Variants in NBL1 observed in about 807,000 individuals in gnomAD.
NBL1 encodes neuroblastoma suppressor of tumorigenicity 1.
In NBL1, 9 loss-of-function variants were observed where a neutral mutation model predicts 16.0. The ratio of observed to expected loss-of-function variants is 0.56; its 90% CI spans 0.34 to 0.98. The LOEUF is 0.98. Among genes scored for constraint, NBL1 ranks in the 50% least tolerant of loss-of-function variants. The probability of loss-of-function intolerance (pLI) is 0.02; values close to 1 mark genes in which losing one functional copy is unlikely to be tolerated. For synonymous variants in NBL1, 86 were observed against 100.7 expected (o/e 0.85, Z 0.87); for missense variants, 196 against 243.1 (o/e 0.81, Z 1.29).
intron 1 of NBL1, chr1:19,645,746 T>C (rs1416688599): frequency 7.3e-7 from 1 of 1,363,844 alleles, no homozygotes; most frequent in Non-Finnish European, 9.5e-7. Flanking sequence ...CCCTGCAAGC[T>C]GGACCTCTCT....
At chr1:19,643,361 A>C (rs765948448), upstream of NBL1, 2 of 1,614,030 alleles carry the variant, frequency 1.2e-6, no homozygotes, top group Non-Finnish European at 1.7e-6. This position sits in a 1 kb window ranked among gnomAD's most constrained non-coding sequence, Gnocchi z 4.7. Context: ...TCTATCTGGA[A>C]GTTTCCAGCC....
At chr1:19,643,995 G>C, upstream of NBL1, 10 of 985,308 alleles carry the variant, frequency 1.0e-5, no homozygotes, top group Non-Finnish European at 1.1e-5. This position sits in a 1 kb window ranked among gnomAD's most constrained non-coding sequence, Gnocchi z 4.7. Context: ...AGAGAAACCC[G>C]GGGAGGGCGC....
chr1:19,650,790 A>C (rs771943977), intron 1 of NBL1, among the ~76,000 whole-genome samples: 16 of 152,168 alleles, frequency 1.1e-4, no homozygotes, highest in Non-Finnish European at 1.9e-4. Flanking sequence ...AGCGTAAACC[A>C]ACAAAAAAGC....
At chr1:19,651,330 T>C (rs1342821901) in intron 1 of NBL1, among the ~76,000 whole-genome samples, 2 of 152,144 alleles carry the variant, frequency 1.3e-5, no homozygotes, top group African/African-American at 2.4e-5. Flanking sequence ...GGTTGGGTTA[T>C]AGCACCCCTC....
chr1:19,646,192 AC>A (rs1378364686), intron 1 of NBL1, among the ~76,000 whole-genome samples: 1 of 152,048 alleles, frequency 6.6e-6, no homozygotes, highest in African/African-American at 2.4e-5. Context: ...AGGAAAAGCC[AC>A]CCTGCCGTGA....
rs1359201426 is a variant in NBL1, at chr1:19,645,926, C to A, written c.-20+1480C>A. ...GAGCGGGCAGGGTTGTTGGTGAGGTCTGCAGTGGAACTTCTGCTGAGCAGA... is the reference window on the plus strand; with the variant it reads ...GAGCGGGCAGGGTTGTTGGTGAGGTATGCAGTGGAACTTCTGCTGAGCAGA... On this transcript the variant is annotated intron_variant, in intron 1 of 3. Coordinates refer to ENST00000375136, the MANE Select transcript of NBL1 (RefSeq NM_005380.8). 17 of 1,549,974 alleles carry A rather than the reference C, an allele frequency of 1.1e-5. No homozygotes were observed. The Admixed American group carries it at 3.3e-4, about 30-fold the overall frequency.
At position 19,657,533 on chromosome 1, in the gene NBL1, G is replaced by A. The variant is rs1399218520; in HGVS notation, c.*404G>A. On this transcript the variant is annotated 3_prime_UTR_variant, in exon 4 of 4. Coordinates refer to ENST00000375136, the MANE Select transcript of NBL1 (RefSeq NM_005380.8). ...GTACTGCTGAGGTCCCGGGCTTAGT[G>A]TGAGCATCTTGCCAGCCTCAGGCTT... 6.5e-6 allele frequency: 1 copy of A among 154,302 alleles called. No homozygotes were observed. Among genetic ancestry groups the A allele is most frequent in the Non-Finnish European group, 1.4e-5 (1 of 69,250 alleles). 9.6% of individuals were successfully genotyped at this position (154,302 alleles called of 1,614,324 possible). A position where few individuals can be genotyped will look rare whatever the true frequency, so the allele number is the denominator to read the frequency against.
chr1:19,656,490 T>G, intron 3 of NBL1, among the ~76,000 whole-genome samples: 1 of 139,530 alleles, frequency 7.2e-6, no homozygotes. Context: ...TTGGTAAGAG[T>G]GGTGCAGGGT....
intron 3 of NBL1, 37 bp downstream of exon 3, chr1:19,655,472 C>T (rs767415373): frequency 1.7e-5 from 27 of 1,606,710 alleles, no homozygotes; most frequent in East Asian, 1.3e-4. Context: ...AGTCTCGGCC[C>T]GGAGCCTGCC....
upstream of NBL1, chr1:19,644,194 G>A: frequency 1.0e-6 from 1 of 979,548 alleles, no homozygotes; most frequent in Non-Finnish European, 1.2e-6. This position sits in a 1 kb window ranked among gnomAD's most constrained non-coding sequence, Gnocchi z 4.6. Context: ...GGCCGCGCGC[G>A]CCCGCCCGCT....
chr1:19,651,511 A>G (rs1260172490), intron 1 of NBL1, among the ~76,000 whole-genome samples: 3 of 152,054 alleles, frequency 2.0e-5, no homozygotes, highest in Non-Finnish European at 4.4e-5. Flanking sequence ...AAAAGTCACC[A>G]TTACCCCATT....
At chr1:19,645,996 T>C in intron 1 of NBL1, 5 of 1,550,522 alleles carry the variant, frequency 3.2e-6, no homozygotes, top group Non-Finnish European at 4.4e-6. Context: ...GGATTTGTTT[T>C]GGAGACTGTT....
chr1:19,651,289 C>T lies in NBL1; in HGVS notation c.-19-3723C>T, dbSNP rs922053400. On this transcript the variant is annotated intron_variant, in intron 1 of 3. Coordinates refer to ENST00000375136, the MANE Select transcript of NBL1 (RefSeq NM_005380.8). ...TGGCCCGGGGAGGCCGAGGCCCCAG[C>T]GCCCTGCGGAGAGCCTGCTAGGGCC... Among the ~76,000 whole-genome samples, 11 of 152,292 alleles carry T rather than the reference C, an allele frequency of 7.2e-5. 1 individual carries two copies. In the South Asian group the frequency reaches 8.3e-4, roughly 11 times the overall value.
At chr1:19,644,009 A>T, upstream of NBL1, 1 of 985,146 alleles carries the variant, frequency 1.0e-6, no homozygotes, top group Non-Finnish European at 1.2e-6. This position sits in a 1 kb window ranked among gnomAD's most constrained non-coding sequence, Gnocchi z 4.6. Context: ...AGGGCGCTTA[A>T]GAACGGGCCA....
chr1:19,644,551 G>A lies in NBL1; in HGVS notation c.-20+105G>A, dbSNP rs2094966037. The A allele has an allele frequency of 3.1e-6, 2 of 653,182 alleles. No individual in the cohort carries two copies. The highest frequency in any genetic ancestry group is 2.0e-5 in the African/African-American group (1 of 49,318). 40.5% of individuals were successfully genotyped at this position (653,182 alleles called of 1,614,324 possible). A position where few individuals can be genotyped will look rare whatever the true frequency, so the allele number is the denominator to read the frequency against. The stretch of plus-strand genomic sequence containing the variant: ...CGGAGCTGCGTCCCCCGGCGCGTCC[G>A]GCGGCCGCGGGCACCGGGTGGAGGC... On this transcript the variant is annotated intron_variant, in intron 1 of 3. Coordinates refer to ENST00000375136, the MANE Select transcript of NBL1 (RefSeq NM_005380.8). The surrounding 1 kb of genome is among the most constrained non-coding windows in gnomAD (Gnocchi z 4.6).
At position 19,657,972 on chromosome 1, in the gene NBL1, AGCCGGCC is replaced by A. The variant is rs1334085722; in HGVS notation, c.*847_*853del. 2 of 152,880 alleles carry A rather than the reference AGCCGGCC, an allele frequency of 1.3e-5. No homozygotes were observed. Among genetic ancestry groups the A allele is most frequent in the African/African-American group, 2.4e-5 (1 of 41,428 alleles). The allele number at this position is 152,880 out of a possible 1,614,324, so 9.5% of individuals were successfully genotyped here. ...TCTAGGCCCCCCAGAAAGCTGCCAG[AGCCGGCC>A]GCCTTCTCCCCTCTCCCAGGGATGC... On this transcript the variant is annotated 3_prime_UTR_variant, in exon 4 of 4. Transcript: ENST00000375136.
rs953672893 is a variant in NBL1, at chr1:19,658,025, G to C, written c.*896G>C. The C allele has an allele frequency of 6.5e-6, 1 of 152,714 alleles. No individual in the cohort carries two copies. Among genetic ancestry groups the C allele is most frequent in the Non-Finnish European group, 1.5e-5 (1 of 68,098 alleles). 9.5% of individuals were successfully genotyped at this position (152,714 alleles called of 1,614,324 possible). A position where few individuals can be genotyped will look rare whatever the true frequency, so the allele number is the denominator to read the frequency against. On this transcript the variant is annotated 3_prime_UTR_variant, in exon 4 of 4. Coordinates refer to ENST00000375136, the MANE Select transcript of NBL1 (RefSeq NM_005380.8). Reference sequence around the variant, plus strand: ...GATGCTCTTTGTAAATATCGGATGGGTGTGGGAGTGAGGGGTTACCTCCCT... The same window carrying C: ...GATGCTCTTTGTAAATATCGGATGGCTGTGGGAGTGAGGGGTTACCTCCCT...
intron 1 of NBL1, among the ~76,000 whole-genome samples, chr1:19,647,866 C>CGTGT (rs752424046): frequency 1.0e-5 from 1 of 97,760 alleles, no homozygotes; most frequent in Non-Finnish European, 2.2e-5. Context: ...TGTGTGTGTG[C>CGTGT]GTGTGTGTGT....
Position 19,655,111 on chromosome 1 carries a change from G to T in NBL1, c.81G>T (p.Leu27=), listed in dbSNP as rs1403698178. 2.5e-6 allele frequency: 4 copies of T among 1,612,792 alleles called. No individual in the cohort carries two copies. Among genetic ancestry groups the T allele is most frequent in the Non-Finnish European group, 3.4e-6 (4 of 1,179,768 alleles). The change falls in exon 2 of 4, where the codon CTG becomes CTT. Residue 27 remains leucine, a synonymous_variant. Transcript: ENST00000375136. ...AAPPPINKLA[L]FPDKSAWCEA... ...CACCACCCATCAACAAGCTGGCACT[G>T]TTCCCAGATAAGAGTGCCTGGTGCG...
Sources: gnomAD v4.1 joint callset for allele counts (sites outside exome capture counted in the v4.1 genomes callset) on GRCh38, gnomAD v4.1.1 for gene constraint, Gnocchi (gnomAD v3.1) non-coding constraint, MANE v1.5 for transcripts, NCBI Gene and HGNC (gene_info 2026-07-23, HGNC 2026-07-21) for gene names.